The following OTOGL variants were observed in gnomAD, a reference collection of about 807,000 sequenced individuals.
OTOGL encodes otogelin-like protein.
Under a neutral mutation model 318.5 loss-of-function variants are expected in OTOGL, and 285 were observed. The observed-to-expected ratio is 0.89, with a 90% CI of 0.81 to 0.99. The LOEUF (loss-of-function observed/expected upper bound fraction) is 0.99, where lower values mean the gene tolerates loss of function less well. OTOGL is among the 50% of genes least tolerant of loss of function. The probability of loss-of-function intolerance (pLI) is 0.00; values close to 1 mark genes in which losing one functional copy is unlikely to be tolerated. For missense variants in OTOGL, 2,899 were observed against 2,845.6 expected, an observed-to-expected ratio of 1.02 and a Z score of -0.43; for synonymous variants, 987 against 936.5, an observed-to-expected ratio of 1.05 and a Z score of -0.99.
intron 27 of OTOGL, among the ~76,000 whole-genome samples, chr12:80,300,289 T>C (rs555434482): frequency 6.6e-6 from 1 of 151,914 alleles, no homozygotes; most frequent in African/African-American, 2.4e-5. Flanking sequence ...CTGTCAGTGC[T>C]GAGGGCCTTC....
intron 1 of OTOGL, among the ~76,000 whole-genome samples, chr12:80,114,014 C>A (rs765890027): frequency 6.6e-6 from 1 of 151,944 alleles, no homozygotes; most frequent in African/African-American, 2.4e-5. Flanking sequence ...TGTCTTTGCA[C>A]GTGAGATGGG....
At chr12:80,253,288 C>T (rs944118243) in intron 13 of OTOGL, among the ~76,000 whole-genome samples, 178 bp from the exon 14 acceptor site, 4 of 152,078 alleles carry the variant, frequency 2.6e-5, no homozygotes, top group African/African-American at 9.7e-5. Context: ...GAAATAGATC[C>T]TTTAAGGTAG....
chr12:80,308,378 G>A (rs1475425747), intron 29 of OTOGL, among the ~76,000 whole-genome samples: 5 of 151,704 alleles, frequency 3.3e-5, no homozygotes, highest in Non-Finnish European at 5.9e-5. Context: ...GGGGCGGCAG[G>A]GCAGAGGTGC....
intron 1 of OTOGL, among the ~76,000 whole-genome samples, chr12:80,167,156 T>G (rs1052051290): frequency 6.6e-6 from 1 of 152,166 alleles, no homozygotes; most frequent in Admixed American, 6.5e-5. Context: ...CTAGCTCTAG[T>G]CTTTTCCCTG....
At chr12:80,214,264 T>A (rs1299165844) in intron 4 of OTOGL, among the ~76,000 whole-genome samples, 1 of 152,320 alleles carries the variant, frequency 6.6e-6, no homozygotes, top group Admixed American at 6.5e-5. Context: ...AGGAAAATGA[T>A]GTGAAGAAGG....
intron 1 of OTOGL, among the ~76,000 whole-genome samples, chr12:80,153,156 A>G (rs901045283): frequency 1.3e-5 from 2 of 152,174 alleles, no homozygotes; most frequent in East Asian, 1.9e-4. Context: ...CTTATCAACA[A>G]TGGAAATTTA....
At chr12:80,231,564 A>G (rs1879360267) in intron 8 of OTOGL, among the ~76,000 whole-genome samples, 2 of 152,192 alleles carry the variant, frequency 1.3e-5, no homozygotes, top group Admixed American at 6.5e-5. Flanking sequence ...GAATATACCT[A>G]TTAACTACCC....
chr12:80,150,918 T>C (rs1872746048), intron 1 of OTOGL, among the ~76,000 whole-genome samples: 1 of 152,094 alleles, frequency 6.6e-6, no homozygotes, highest in Non-Finnish European at 1.5e-5. Context: ...TTTAAATAAA[T>C]TACAATGGAA....
At chr12:80,216,362 T>C (rs943810748) in intron 4 of OTOGL, among the ~76,000 whole-genome samples, 1 of 152,160 alleles carries the variant, frequency 6.6e-6, no homozygotes, top group Non-Finnish European at 1.5e-5. Context: ...TGACAATTAT[T>C]TGGCAAGTTT....
Position 80,266,465 on chromosome 12 carries a change from A to C in OTOGL, c.2239A>C (p.Lys747Gln), listed in dbSNP as rs1363968908. ...TTTGTCCTTAGCTGTGGTGTGCCAG[A>C]AGGGCATGCTGTACCATCACTGTTC... ...QISFCAVVCQ[K>Q]GMLYHHCSSF... is the part of the protein sequence containing the mutation. Residue 747 changes from lysine (K) to glutamine (Q), a missense_variant, in exon 21 of 59, where the codon AAG becomes CAG. Lys to Gln is a moderately conservative substitution (Grantham distance 53). This residue lies in a region of OTOGL where 2,607 missense variants were observed against 2,524.9 expected (regional missense o/e 1.03). Coordinates refer to ENST00000547103, the MANE Select transcript of OTOGL (RefSeq NM_001378609.3). 1 of 1,613,464 alleles carries C rather than the reference A, an allele frequency of 6.2e-7. No individual in the cohort carries two copies. Among genetic ancestry groups the C allele is most frequent in the East Asian group, 2.2e-5 (1 of 44,876 alleles).
At chr12:80,293,144 T>C (rs1885158280) in intron 26 of OTOGL, among the ~76,000 whole-genome samples, 1 of 152,182 alleles carries the variant, frequency 6.6e-6, no homozygotes, top group South Asian at 2.1e-4. Flanking sequence ...CAAATAATCT[T>C]AAAACTTAAT....
At chr12:80,348,053 T>G (rs1251238518) in intron 44 of OTOGL, among the ~76,000 whole-genome samples, 1 of 152,206 alleles carries the variant, frequency 6.6e-6, no homozygotes, top group Non-Finnish European at 1.5e-5. Context: ...TGCAAAAATT[T>G]TCTCCCATTC....
Position 80,329,221 on chromosome 12 carries a change from A to G in OTOGL, c.4348+102A>G, listed in dbSNP as rs932518876. 1.0e-5 allele frequency: 9 copies of G among 888,248 alleles called. No homozygotes were observed. In the Admixed American group the frequency reaches 2.6e-4, roughly 26 times the overall value. 55.0% of individuals were successfully genotyped at this position (888,248 alleles called of 1,614,324 possible). On this transcript the variant is annotated intron_variant, in intron 37 of 58. Coordinates refer to ENST00000547103, the MANE Select transcript of OTOGL (RefSeq NM_001378609.3). ...TACTATAGCTGCTATCATTAATACTACCTATGGGCTAGGAAACCCAGCAGT... is the reference window on the plus strand; with the variant it reads ...TACTATAGCTGCTATCATTAATACTGCCTATGGGCTAGGAAACCCAGCAGT...
chr12:80,143,476 A>G (rs1872089464), intron 1 of OTOGL, among the ~76,000 whole-genome samples: 1 of 152,110 alleles, frequency 6.6e-6, no homozygotes, highest in African/African-American at 2.4e-5. Context: ...TTAATTGGAA[A>G]GTGTTCTTCC....
At chr12:80,111,122 G>GT (rs1018251599) in intron 1 of OTOGL, among the ~76,000 whole-genome samples, 1 of 152,098 alleles carries the variant, frequency 6.6e-6, no homozygotes, top group Non-Finnish European at 1.5e-5. Flanking sequence ...TTGTAAATTT[G>GT]TTTAAGTTCC....
At chr12:80,306,783 TTA>T (rs970053738) in intron 29 of OTOGL, among the ~76,000 whole-genome samples, 77 of 131,812 alleles carry the variant, frequency 5.8e-4, no homozygotes, top group Non-Finnish European at 9.7e-4. Context: ...TTTTTTTTTT[TTA>T]AATTTTATTT....
chr12:80,124,649 A>G (rs1166138419), intron 1 of OTOGL, among the ~76,000 whole-genome samples: 1 of 152,200 alleles, frequency 6.6e-6, no homozygotes, highest in Non-Finnish European at 1.5e-5. Context: ...TTTTCATGAT[A>G]TTGATTCTCC....
intron 1 of OTOGL, among the ~76,000 whole-genome samples, chr12:80,193,584 G>A (rs1303856373): frequency 6.6e-6 from 1 of 152,116 alleles, no homozygotes; most frequent in Non-Finnish European, 1.5e-5. Context: ...CTTTGATGAA[G>A]GAAATGTTAT....
At position 80,367,586 on chromosome 12, in the gene OTOGL, A is replaced by G. The variant is rs762637663; in HGVS notation, c.6357A>G (p.Gln2119=). Residue 2119 remains glutamine, a synonymous_variant, in exon 54 of 59, where the codon CAA becomes CAG. Transcript: ENST00000547103. ...AAAAGGATGATGTGTGTGTATTTCAAGAAGTATCAGTATTGAATCCTGGAC... is the reference window on the plus strand; with the variant it reads ...AAAAGGATGATGTGTGTGTATTTCAGGAAGTATCAGTATTGAATCCTGGAC... ...LCEKDDVCVF[Q]EVSVLNPGQS... 2 of 1,540,502 alleles carry G rather than the reference A, an allele frequency of 1.3e-6. No homozygotes were observed. The highest frequency in any genetic ancestry group is 1.8e-6 in the Non-Finnish European group (2 of 1,132,930).
Sources: allele counts gnomAD v4.1 joint callset (sites outside exome capture counted in the v4.1 genomes callset), GRCh38; gene constraint gnomAD v4.1.1; regional missense constraint gnomAD v4.1.1; transcripts MANE v1.5; gene names NCBI Gene and HGNC (gene_info 2026-07-23, HGNC 2026-07-21).